The following DPP10 variants were observed in gnomAD, a reference collection of about 807,000 sequenced individuals.
The protein encoded by DPP10 is inactive dipeptidyl peptidase 10.
Under a neutral mutation model 120.9 loss-of-function variants are expected in DPP10, and 33 were observed. The observed-to-expected ratio is 0.27, with a 90% CI of 0.21 to 0.37. The LOEUF (loss-of-function observed/expected upper bound fraction) is 0.37, where lower values mean the gene tolerates loss of function less well. Ranked by LOEUF, DPP10 falls within the 10% of genes least tolerant of loss-of-function variation. The probability of loss-of-function intolerance (pLI) is 1.00; values close to 1 mark genes in which losing one functional copy is unlikely to be tolerated. For missense variants in DPP10, 816 were observed against 942.8 expected, an observed-to-expected ratio of 0.87 and a Z score of 1.76; for synonymous variants, 337 against 326.1, an observed-to-expected ratio of 1.03 and a Z score of -0.36.
intron 1 of DPP10, among the ~76,000 whole-genome samples, chr2:115,136,656 A>G (rs2104818659): frequency 6.7e-6 from 1 of 149,940 alleles, no homozygotes; most frequent in East Asian, 1.9e-4. Context: ...AAAGGGATGG[A>G]ATAAAAAAAA....
At chr2:114,764,672 T>C (rs1374212831) in intron 1 of DPP10, among the ~76,000 whole-genome samples, 1 of 152,042 alleles carries the variant, frequency 6.6e-6, no homozygotes, top group East Asian at 1.9e-4. Flanking sequence ...AAATTTATAA[T>C]ATTTATTTTG....
At chr2:115,172,398 A>AT in intron 1 of DPP10, among the ~76,000 whole-genome samples, 1 of 152,074 alleles carries the variant, frequency 6.6e-6, no homozygotes, top group African/African-American at 2.4e-5. Flanking sequence ...AAAAAAAAAA[A>AT]GCTATTTCCA....
chr2:115,759,488 C>G (rs146714652), intron 11 of DPP10, among the ~76,000 whole-genome samples: 11 of 151,522 alleles, frequency 7.3e-5, no homozygotes, highest in African/African-American at 2.7e-4. Flanking sequence ...ATTAGAATGA[C>G]TACACTAAAA....
chr2:115,095,034 G>A (rs984016799), intron 1 of DPP10, among the ~76,000 whole-genome samples: 6 of 152,106 alleles, frequency 3.9e-5, no homozygotes, highest in African/African-American at 7.2e-5. Flanking sequence ...TTTTGTTCCC[G>A]TAGTTGACCT....
intron 1 of DPP10, among the ~76,000 whole-genome samples, chr2:114,664,254 A>T (rs1427546673): frequency 6.6e-6 from 1 of 151,870 alleles, no homozygotes; most frequent in Non-Finnish European, 1.5e-5. Context: ...GAGAAAATTA[A>T]CAAGAAGCAT....
At chr2:114,819,882 G>T (rs1685948533) in intron 1 of DPP10, among the ~76,000 whole-genome samples, 1 of 152,156 alleles carries the variant, frequency 6.6e-6, no homozygotes, top group Admixed American at 6.5e-5. Flanking sequence ...AACAATTATT[G>T]TCATAGGAGA....
intron 3 of DPP10, among the ~76,000 whole-genome samples, chr2:115,345,637 G>A (rs1168432449): frequency 6.6e-6 from 1 of 151,832 alleles, no homozygotes; most frequent in African/African-American, 2.4e-5. Flanking sequence ...AAAAATTATG[G>A]GTCTCATCTC....
chr2:114,454,034 G>A (rs936261516), intron 1 of DPP10, among the ~76,000 whole-genome samples: 2 of 152,230 alleles, frequency 1.3e-5, no homozygotes, highest in African/African-American at 2.4e-5. Context: ...TGACCATAGC[G>A]TATGAAAAGT....
intron 1 of DPP10, among the ~76,000 whole-genome samples, chr2:114,827,608 T>G (rs1308909111): frequency 1.3e-5 from 2 of 152,324 alleles, no homozygotes; most frequent in South Asian, 2.1e-4. Context: ...TAATTGTTAC[T>G]TGCTTTGTGT....
chr2:115,253,456 A>G (rs1283042034), intron 1 of DPP10, among the ~76,000 whole-genome samples: 3 of 152,180 alleles, frequency 2.0e-5, no homozygotes, highest in Non-Finnish European at 1.5e-5. Context: ...TCCTAAGTCC[A>G]AAGTTCCATC....
chr2:114,932,244 C>T (rs187784042), intron 1 of DPP10, among the ~76,000 whole-genome samples: 1 of 152,326 alleles, frequency 6.6e-6, no homozygotes, highest in Admixed American at 6.5e-5. Context: ...AACTACTGCA[C>T]ACATTTGCAG....
chr2:114,856,417 A>G (rs372952418), intron 1 of DPP10, among the ~76,000 whole-genome samples: 1 of 152,330 alleles, frequency 6.6e-6, no homozygotes, highest in East Asian at 1.9e-4. Flanking sequence ...CGTAGAGACA[A>G]TATGTCAATA....
chr2:115,130,594 T>C (rs2050305034), intron 1 of DPP10, among the ~76,000 whole-genome samples: 1 of 152,140 alleles, frequency 6.6e-6, no homozygotes, highest in Non-Finnish European at 1.5e-5. Flanking sequence ...TTATAAATGA[T>C]GCTTCTGACT....
intron 1 of DPP10, among the ~76,000 whole-genome samples, chr2:115,172,383 CAAA>C (rs369416732): frequency 2.4e-5 from 2 of 82,462 alleles, no homozygotes; most frequent in African/African-American, 4.6e-5. Context: ...GAATCCGTCT[CAAA>C]AAAAAAAAAA....
At chr2:115,445,976 A>T (rs1219707982) in intron 3 of DPP10, among the ~76,000 whole-genome samples, 1 of 152,080 alleles carries the variant, frequency 6.6e-6, no homozygotes, top group African/African-American at 2.4e-5. Context: ...CGGGTCTAGG[A>T]GGTCTAGGAG....
At chr2:115,618,925 A>G (rs1414874715) in intron 5 of DPP10, among the ~76,000 whole-genome samples, 1 of 151,098 alleles carries the variant, frequency 6.6e-6, no homozygotes, top group Non-Finnish European at 1.5e-5. Context: ...GTGGTAGTTT[A>G]TGGTTCTGTT....
rs903153026 is a variant in DPP10, at chr2:115,058,598, C to A, written c.61-250641C>A. Among the ~76,000 whole-genome samples, 6 of 152,224 alleles carry A rather than the reference C, an allele frequency of 3.9e-5. 1 individual carries two copies. The Middle Eastern group carries it at 0.017, about 431-fold the overall frequency. The stretch of plus-strand genomic sequence containing the variant: ...TATTTTGAGTACAGACGGGGTTTCG[C>A]CATGTTGGCAAGGCTGGTCTTGAAC... On this transcript the variant is annotated intron_variant, in intron 1 of 25. Transcript: ENST00000410059.
chr2:115,651,063 G>A (rs1296469796), intron 5 of DPP10, among the ~76,000 whole-genome samples: 4 of 151,960 alleles, frequency 2.6e-5, no homozygotes, highest in East Asian at 1.9e-4. Context: ...GTATAACAAA[G>A]CATGCTTATC....
At chr2:115,480,567 C>G (rs2075367560) in intron 3 of DPP10, among the ~76,000 whole-genome samples, 1 of 152,076 alleles carries the variant, frequency 6.6e-6, no homozygotes, top group Non-Finnish European at 1.5e-5. Context: ...TCTTTGAAGA[C>G]AGTTATCTAC....
Sources: gnomAD v4.1 joint callset for allele counts (sites outside exome capture counted in the v4.1 genomes callset) on GRCh38, gnomAD v4.1.1 for gene constraint, MANE v1.5 for transcripts, NCBI Gene and HGNC (gene_info 2026-07-23, HGNC 2026-07-21) for gene names.